Variants in PPP2R5E observed in about 807,000 individuals in gnomAD.
PPP2R5E encodes serine/threonine-protein phosphatase 2A 56 kDa regulatory subunit epsilon isoform.
PPP2R5E carries 4 observed loss-of-function variants against 65.3 expected under a neutral mutation model. The observed-to-expected ratio is 0.06, with a 90% CI of 0.03 to 0.14. PPP2R5E has a LOEUF of 0.14. Among genes scored for constraint, PPP2R5E ranks in the 10% least tolerant of loss-of-function variants. PPP2R5E has a pLI of 1.00. For synonymous variants in PPP2R5E, 183 were observed against 187.4 expected (o/e 0.98, Z 0.19); for missense variants, 274 against 556.1 (o/e 0.49, Z 5.10).
intron 2 of PPP2R5E, among the ~76,000 whole-genome samples, chr14:63,467,348 A>C (rs1173865116): frequency 2.0e-5 from 3 of 152,158 alleles, no homozygotes; most frequent in African/African-American, 7.2e-5. Context: ...AAAGATATGC[A>C]TGCTTACAGT....
chr14:63,393,373 C>T (rs1885134384), intron 8 of PPP2R5E, among the ~76,000 whole-genome samples: 1 of 152,022 alleles, frequency 6.6e-6, no homozygotes, highest in South Asian at 2.1e-4. Context: ...TTTTTATTTC[C>T]CTCGGGGAGT....
chr14:63,525,833 C>A (rs1172444216), intron 2 of PPP2R5E, among the ~76,000 whole-genome samples: 1 of 152,150 alleles, frequency 6.6e-6, no homozygotes, highest in Non-Finnish European at 1.5e-5. Context: ...AGAAGGTACA[C>A]TAAGAAAGAA....
At chr14:63,496,950 C>A (rs1284625330) in intron 2 of PPP2R5E, among the ~76,000 whole-genome samples, 1 of 151,722 alleles carries the variant, frequency 6.6e-6, no homozygotes, top group Non-Finnish European at 1.5e-5. Context: ...GGCAGAGACA[C>A]ACTTCAAATC....
At chr14:63,400,925 T>G (rs1885717644) in intron 5 of PPP2R5E, among the ~76,000 whole-genome samples, 1 of 152,156 alleles carries the variant, frequency 6.6e-6, no homozygotes, top group Non-Finnish European at 1.5e-5. Flanking sequence ...AGAGAAGGTT[T>G]GAGGGTGTGT....
At chr14:63,421,105 G>T (rs1393266600) in intron 4 of PPP2R5E, among the ~76,000 whole-genome samples, 3 of 114,570 alleles carry the variant, frequency 2.6e-5, no homozygotes, top group Admixed American at 9.8e-5. Context: ...CCTGAACCAT[G>T]AATACATTTC....
chr14:63,409,420 A>G (rs1213782553), intron 5 of PPP2R5E, among the ~76,000 whole-genome samples: 1 of 152,198 alleles, frequency 6.6e-6, no homozygotes, highest in East Asian at 1.9e-4. Context: ...ATAAATAAAT[A>G]AAACTAAAAT....
intron 10 of PPP2R5E, among the ~76,000 whole-genome samples, chr14:63,390,846 G>A (rs926450302): frequency 1.3e-5 from 2 of 152,180 alleles, no homozygotes; most frequent in Non-Finnish European, 1.5e-5. Context: ...AAGAATGGCT[G>A]CAGATCTGGT....
intron 2 of PPP2R5E, among the ~76,000 whole-genome samples, chr14:63,481,220 G>C (rs776774199): frequency 6.6e-6 from 1 of 152,070 alleles, no homozygotes; most frequent in Non-Finnish European, 1.5e-5. Flanking sequence ...GAATTGGCCG[G>C]GTGTGGTGGC....
intron 4 of PPP2R5E, among the ~76,000 whole-genome samples, chr14:63,417,668 A>G (rs984445961): frequency 1.3e-5 from 2 of 152,192 alleles, no homozygotes; most frequent in Admixed American, 6.5e-5. Context: ...TAAAATTATT[A>G]ATTTTCACTG....
chr14:63,491,568 C>T (rs113286175), intron 2 of PPP2R5E, among the ~76,000 whole-genome samples: 4,794 of 152,188 alleles, frequency 0.032, 234 homozygotes, highest in African/African-American at 0.11. Flanking sequence ...TAATTTCAGA[C>T]TGGGCACGGT....
chr14:63,448,587 G>C (rs1264719766), intron 3 of PPP2R5E, among the ~76,000 whole-genome samples: 1 of 151,912 alleles, frequency 6.6e-6, no homozygotes, highest in East Asian at 2.0e-4. Context: ...TCAGGAGTTC[G>C]AGACTAGCCT....
intron 5 of PPP2R5E, among the ~76,000 whole-genome samples, chr14:63,411,658 TAAAAAAAAAAA>T (rs766263301): frequency 3.2e-5 from 3 of 93,108 alleles, no homozygotes; most frequent in East Asian, 3.3e-4. Context: ...TGTGGTTGTT[TAAAAAAAAAAA>T]AAAAAAAAAA....
At chr14:63,540,473 G>A (rs886324875) in intron 1 of PPP2R5E, among the ~76,000 whole-genome samples, 4 of 142,360 alleles carry the variant, frequency 2.8e-5, no homozygotes, top group South Asian at 2.2e-4. Flanking sequence ...GCACACACCC[G>A]TAATCCCAAG....
intron 12 of PPP2R5E, among the ~76,000 whole-genome samples, chr14:63,382,509 C>T (rs1884427273): frequency 6.6e-6 from 1 of 151,526 alleles, no homozygotes; most frequent in African/African-American, 2.4e-5. Flanking sequence ...TCAAGCAATT[C>T]TCCTGCCTCA....
intron 1 of PPP2R5E, among the ~76,000 whole-genome samples, chr14:63,542,044 C>T (rs1490717030): frequency 3.3e-5 from 5 of 152,196 alleles, no homozygotes; most frequent in African/African-American, 1.2e-4. Flanking sequence ...CACTCTAACT[C>T]TAACACTACA....
At chr14:63,454,637 TA>T (rs1348373612) in intron 2 of PPP2R5E, among the ~76,000 whole-genome samples, 2 of 152,202 alleles carry the variant, frequency 1.3e-5, no homozygotes, top group African/African-American at 4.8e-5. Flanking sequence ...GCGTTGTTTC[TA>T]AAAAATATGT....
chr14:63,376,580 C>T (rs1346729816), intron 13 of PPP2R5E, among the ~76,000 whole-genome samples: 1 of 152,138 alleles, frequency 6.6e-6, no homozygotes, highest in Non-Finnish European at 1.5e-5. Flanking sequence ...AAATTGGGTT[C>T]AATATCAATT....
chr14:63,472,246 G>A (rs1326025419), intron 2 of PPP2R5E, among the ~76,000 whole-genome samples: 1 of 152,172 alleles, frequency 6.6e-6, no homozygotes, highest in Non-Finnish European at 1.5e-5. Context: ...GTTGAAATGA[G>A]CTGAGATCAC....
chr14:63,514,492 CTCT>C (rs1421682965), intron 2 of PPP2R5E, among the ~76,000 whole-genome samples: 2 of 151,442 alleles, frequency 1.3e-5, no homozygotes, highest in African/African-American at 2.4e-5. Context: ...CACAAAAACT[CTCT>C]TCATTAAAAA....
Sources: allele counts gnomAD v4.1 joint callset (sites outside exome capture counted in the v4.1 genomes callset), GRCh38; gene constraint gnomAD v4.1.1; transcripts MANE v1.5; gene names NCBI Gene and HGNC (gene_info 2026-07-23, HGNC 2026-07-21).